PCCA: variants seen among roughly 807,000 people sequenced by gnomAD.
The protein encoded by PCCA is propionyl-CoA carboxylase alpha chain, mitochondrial.
A neutral mutation model predicts 101.3 loss-of-function variants in PCCA; 74 were observed. The observed-to-expected ratio is 0.73, with a 90% CI of 0.61 to 0.89. The LOEUF (loss-of-function observed/expected upper bound fraction) is 0.89, where lower values mean the gene tolerates loss of function less well. PCCA is among the 40% of genes least tolerant of loss of function. The pLI, the probability that PCCA is intolerant of heterozygous loss-of-function variation, is 0.00. For synonymous variants in PCCA, 294 were observed against 313.6 expected, an observed-to-expected ratio of 0.94 and a Z score of 0.66; for missense variants, 891 against 907.0, an observed-to-expected ratio of 0.98 and a Z score of 0.23.
intron 21 of PCCA, among the ~76,000 whole-genome samples, chr13:100,451,241 A>C (rs1294528886): frequency 6.6e-6 from 1 of 152,158 alleles, no homozygotes; most frequent in Middle Eastern, 3.2e-3. Flanking sequence ...CTTCGATGAT[A>C]CATCTCAGTG....
intron 4 of PCCA, among the ~76,000 whole-genome samples, chr13:100,120,793 T>C (rs1048429208): frequency 5.3e-5 from 8 of 152,152 alleles, no homozygotes; most frequent in African/African-American, 1.9e-4. Flanking sequence ...TCTGGGAAGA[T>C]TTGTGGAGAA....
At chr13:100,375,242 C>T (rs1005376697) in intron 19 of PCCA, among the ~76,000 whole-genome samples, 12 of 152,004 alleles carry the variant, frequency 7.9e-5, no homozygotes, top group Non-Finnish European at 1.2e-4. Context: ...CTGTTTGTTA[C>T]GATTTCCATT....
intron 12 of PCCA, among the ~76,000 whole-genome samples, chr13:100,300,176 C>T (rs1210614736): frequency 6.6e-6 from 1 of 152,192 alleles, no homozygotes; most frequent in Admixed American, 6.5e-5. Context: ...ATATTTTAAA[C>T]TACCTAATAA....
In PCCA at chr13:100,520,723, G is replaced by A. The variant is rs113756654; in HGVS notation, c.2040+5156G>A. On this transcript the variant is annotated intron_variant, in intron 22 of 23. Transcript: ENST00000376285. ...ATAAGAGGAGGCAGAAAAAGATGAG[G>A]AGGTAAAAAAATATCTATTAGTACT... Among the ~76,000 whole-genome samples, 1,012 of 151,632 alleles carry A rather than the reference G, an allele frequency of 6.7e-3. 10 individuals are homozygous for A. Among genetic ancestry groups the A allele is most frequent in the African/African-American group, 0.023 (961 of 41,354 alleles).
intron 1 of PCCA, among the ~76,000 whole-genome samples, chr13:100,101,060 C>T (rs2047234930): frequency 6.6e-6 from 1 of 152,282 alleles, no homozygotes; most frequent in Non-Finnish European, 1.5e-5. Context: ...GCCTCAGCCT[C>T]CCAAAGTGTT....
intron 21 of PCCA, among the ~76,000 whole-genome samples, chr13:100,455,994 C>T (rs1566356252): frequency 1.3e-5 from 2 of 152,172 alleles, no homozygotes; most frequent in African/African-American, 4.8e-5. Flanking sequence ...GCCACCATGC[C>T]CGGCCATATG....
intron 7 of PCCA, among the ~76,000 whole-genome samples, chr13:100,231,296 G>T (rs946240167): frequency 7.2e-5 from 11 of 152,170 alleles, no homozygotes; most frequent in Non-Finnish European, 8.8e-5. Context: ...AATAAAAGCT[G>T]GTTTGGTAAA....
intron 4 of PCCA, among the ~76,000 whole-genome samples, chr13:100,139,608 A>G (rs556326754): frequency 6.6e-6 from 1 of 151,806 alleles, no homozygotes; most frequent in African/African-American, 2.4e-5. Context: ...TTCTTTTCTG[A>G]TACTTTCAAA....
chr13:100,527,872 C>T, intron 23 of PCCA, 120 bp downstream of exon 23: 1 of 778,112 alleles, frequency 1.3e-6, no homozygotes, highest in Admixed American at 1.8e-5. Context: ...CTCGCTTCTA[C>T]AGAGGAGGAC....
intron 6 of PCCA, among the ~76,000 whole-genome samples, chr13:100,185,404 C>T (rs1276793266): frequency 6.6e-6 from 1 of 151,766 alleles, no homozygotes; most frequent in East Asian, 1.9e-4. Flanking sequence ...GGCTGGAGTG[C>T]AGTGGTATGA....
intron 16 of PCCA, among the ~76,000 whole-genome samples, chr13:100,317,027 C>T (rs1180941203): frequency 2.0e-5 from 3 of 152,072 alleles, no homozygotes; most frequent in Non-Finnish European, 2.9e-5. Flanking sequence ...CCTGCCTCGG[C>T]CTCCCAAAAT....
chr13:100,521,147 C>T (rs837322), intron 22 of PCCA, among the ~76,000 whole-genome samples: 44,288 of 152,056 alleles, frequency 0.29, 6,770 homozygotes, highest in Middle Eastern at 0.39. Context: ...TAGAGGGCAG[C>T]AGGGAGTCAT....
intron 20 of PCCA, among the ~76,000 whole-genome samples, chr13:100,429,669 C>T (rs1179734248): frequency 2.0e-5 from 3 of 151,956 alleles, no homozygotes; most frequent in Non-Finnish European, 2.9e-5. Flanking sequence ...TGCAGTGGTA[C>T]GATCTTGGCT....
chr13:100,151,544 A>G (rs1255296116), intron 4 of PCCA, among the ~76,000 whole-genome samples: 1 of 152,052 alleles, frequency 6.6e-6, no homozygotes, highest in African/African-American at 2.4e-5. Context: ...ATGAGCCGAG[A>G]TCGCGCCATT....
At chr13:100,407,782 T>C (rs567529592) in intron 19 of PCCA, among the ~76,000 whole-genome samples, 11 of 152,256 alleles carry the variant, frequency 7.2e-5, no homozygotes, top group Non-Finnish European at 1.6e-4. Context: ...TGTTCTTACA[T>C]ACCTTGCATG....
chr13:100,296,372 C>T (rs1299173011), intron 12 of PCCA, among the ~76,000 whole-genome samples: 4 of 151,372 alleles, frequency 2.6e-5, no homozygotes, highest in East Asian at 1.9e-4. Flanking sequence ...TCCCAATTAG[C>T]GGGACTACAG....
chr13:100,312,707 A>G (rs1278911386), intron 16 of PCCA, among the ~76,000 whole-genome samples: 1 of 152,258 alleles, frequency 6.6e-6, no homozygotes, highest in Non-Finnish European at 1.5e-5. Context: ...GAATGACTGA[A>G]TAAATTACAA....
chr13:100,437,202 T>C (rs972686405), intron 20 of PCCA, among the ~76,000 whole-genome samples: 1 of 152,200 alleles, frequency 6.6e-6, no homozygotes, highest in African/African-American at 2.4e-5. Flanking sequence ...GGTGAGGTCA[T>C]ATCAGCTCTT....
At chr13:100,332,452 G>A (rs1309718821) in intron 17 of PCCA, among the ~76,000 whole-genome samples, 2 of 151,972 alleles carry the variant, frequency 1.3e-5, no homozygotes, top group African/African-American at 2.4e-5. Flanking sequence ...GAGAAAACAG[G>A]GAAAAACTAC....
Sources: gnomAD v4.1 joint callset for allele counts (sites outside exome capture counted in the v4.1 genomes callset) on GRCh38, gnomAD v4.1.1 for gene constraint, MANE v1.5 for transcripts, NCBI Gene and HGNC (gene_info 2026-07-23, HGNC 2026-07-21) for gene names.